The following CDH18 variants were observed in gnomAD, a reference collection of about 807,000 sequenced individuals.
CDH18 encodes cadherin-18.
In CDH18, 31 loss-of-function variants were observed where a neutral mutation model predicts 67.9. That is an observed-to-expected ratio of 0.46 (90% CI 0.34 to 0.62). CDH18 has a LOEUF of 0.62. CDH18 is among the 20% of genes least tolerant of loss of function. The pLI, the probability that CDH18 is intolerant of heterozygous loss-of-function variation, is 0.01. For missense variants in CDH18, 890 were observed against 975.5 expected, an observed-to-expected ratio of 0.91 and a Z score of 1.17; for synonymous variants, 362 against 347.2, an observed-to-expected ratio of 1.04 and a Z score of -0.48.
chr5:20,188,309 G>C (rs752117891), intron 2 of CDH18, among the ~76,000 whole-genome samples: 30 of 151,858 alleles, frequency 2.0e-4, no homozygotes, highest in Non-Finnish European at 3.4e-4. Flanking sequence ...AATCCAATCA[G>C]CCAAATAAAT....
At chr5:19,821,388 T>G (rs1374606824) in intron 3 of CDH18, among the ~76,000 whole-genome samples, 1 of 135,050 alleles carries the variant, frequency 7.4e-6, no homozygotes, top group Non-Finnish European at 1.6e-5. Context: ...TCAACCCAGT[T>G]AACCAAAAAA....
intron 5 of CDH18, among the ~76,000 whole-genome samples, chr5:19,643,936 A>T (rs2150235543): frequency 6.6e-6 from 1 of 152,324 alleles, no homozygotes; most frequent in African/African-American, 2.4e-5. Context: ...CAAATTATCA[A>T]GTTTATACCT....
At chr5:19,534,560 C>T (rs2127007502) in intron 9 of CDH18, among the ~76,000 whole-genome samples, 1 of 152,174 alleles carries the variant, frequency 6.6e-6, no homozygotes, top group South Asian at 2.1e-4. Flanking sequence ...GCTTAATTTA[C>T]CTATACACTT....
At chr5:19,525,512 G>A (rs1747625027) in intron 9 of CDH18, among the ~76,000 whole-genome samples, 1 of 152,238 alleles carries the variant, frequency 6.6e-6, no homozygotes, top group South Asian at 2.1e-4. Flanking sequence ...CCCTGTCAGG[G>A]GCAACCACAG....
intron 5 of CDH18, among the ~76,000 whole-genome samples, chr5:19,615,122 G>C (rs1219666177): frequency 3.4e-5 from 3 of 88,376 alleles, no homozygotes; most frequent in Admixed American, 2.5e-4. Context: ...ACTCCAGCCC[G>C]GTGACAGAGG....
At chr5:20,449,766 C>T (rs180802509) in intron 1 of CDH18, among the ~76,000 whole-genome samples, 196 of 151,858 alleles carry the variant, frequency 1.3e-3, no homozygotes, top group African/African-American at 4.4e-3. Flanking sequence ...TAAAGTACTC[C>T]TGTAAAGTCT....
chr5:19,643,895 G>A (rs577587131), intron 5 of CDH18, among the ~76,000 whole-genome samples: 5 of 152,198 alleles, frequency 3.3e-5, no homozygotes, highest in African/African-American at 1.2e-4. Flanking sequence ...TAGTTTGATC[G>A]TGATAAATAT....
intron 8 of CDH18, among the ~76,000 whole-genome samples, chr5:19,566,530 G>T (rs1740426435): frequency 6.6e-6 from 1 of 152,184 alleles, no homozygotes; most frequent in African/African-American, 2.4e-5. Context: ...CGTCTTGCGT[G>T]GGGGCAGACA....
chr5:19,865,201 C>T (rs1027158104), intron 2 of CDH18, among the ~76,000 whole-genome samples: 3 of 152,038 alleles, frequency 2.0e-5, no homozygotes, highest in Non-Finnish European at 4.4e-5. Flanking sequence ...CTGAATAATA[C>T]TGTAAATAAA....
In CDH18 at chr5:20,564,260, T is replaced by TTTTATTTATTTATTTATTTATTTA. The variant is rs3039398; in HGVS notation, c.-580+11178_-580+11201dup. On this transcript the variant is annotated intron_variant, in intron 1 of 14. Transcript: ENST00000507958. ...ATTATTTCTTGCATTATTATCACAGTTTTATTTATTTATTTATTTATTTAT... is the reference window on the plus strand; with the variant it reads ...ATTATTTCTTGCATTATTATCACAGTTTTATTTATTTATTTATTTATTTATTTATTTATTTATTTATTTATTTAT... Among the ~76,000 whole-genome samples the TTTTATTTATTTATTTATTTATTTA allele has an allele frequency of 2.4e-3, 342 of 141,648 alleles. 1 individual carries two copies. Among genetic ancestry groups the TTTTATTTATTTATTTATTTATTTA allele is most frequent in the East Asian group, 9.3e-3 (44 of 4,744 alleles). The allele number at this position is 141,648 out of a possible 152,430, so 92.9% of individuals were successfully genotyped here.
intron 9 of CDH18, among the ~76,000 whole-genome samples, chr5:19,532,512 T>C (rs1748792065): frequency 6.6e-6 from 1 of 152,228 alleles, no homozygotes. Context: ...TGGGTTTGTA[T>C]CTTGGTTCAT....
chr5:20,463,496 G>A (rs769848183), intron 1 of CDH18, among the ~76,000 whole-genome samples: 7 of 152,116 alleles, frequency 4.6e-5, no homozygotes, highest in Non-Finnish European at 8.8e-5. Flanking sequence ...CATGGCAGAG[G>A]CACCTCTTCA....
chr5:19,679,582 A>C (rs1374395080), intron 5 of CDH18, among the ~76,000 whole-genome samples: 1 of 152,006 alleles, frequency 6.6e-6, no homozygotes, highest in East Asian at 1.9e-4. Context: ...AGGCTCCTAG[A>C]ACTGATATAT....
chr5:19,528,895 T>G (rs1049754078), intron 9 of CDH18, among the ~76,000 whole-genome samples: 1 of 151,878 alleles, frequency 6.6e-6, no homozygotes, highest in African/African-American at 2.4e-5. Flanking sequence ...ATCCATTCTG[T>G]GCGTATATCC....
rs536138976 is a variant in CDH18 at position 20,383,823 on chromosome 5, G to A, written c.-579-128318C>T. Among the ~76,000 whole-genome samples the A allele has an allele frequency of 5.3e-4, 81 of 152,128 alleles. No homozygotes were observed. In the South Asian group the frequency reaches 0.016, roughly 31 times the overall value. Reference sequence around the variant, plus strand: ...AGTAATACGAAAATGTATAACTACTGTACAGAAAAGGGAAATGACTTTGCA... The same window carrying A: ...AGTAATACGAAAATGTATAACTACTATACAGAAAAGGGAAATGACTTTGCA... On this transcript the variant is annotated intron_variant, in intron 1 of 14. Coordinates refer to the CDH18 transcript ENST00000507958.
intron 1 of CDH18, among the ~76,000 whole-genome samples, chr5:20,414,240 G>C (rs1023264995): frequency 6.6e-6 from 1 of 152,134 alleles, no homozygotes; most frequent in Non-Finnish European, 1.5e-5. Context: ...TATGTTTATC[G>C]TAGCACTATT....
intron 3 of CDH18, among the ~76,000 whole-genome samples, chr5:19,775,867 T>C (rs1320150333): frequency 1.3e-5 from 2 of 152,058 alleles, no homozygotes; most frequent in African/African-American, 4.8e-5. Flanking sequence ...GAGAATGAAG[T>C]TGAGAACTCA....
At chr5:19,850,387 T>C (rs543852005) in intron 2 of CDH18, among the ~76,000 whole-genome samples, 2 of 152,002 alleles carry the variant, frequency 1.3e-5, no homozygotes, top group South Asian at 4.1e-4. Context: ...TACAATCAAC[T>C]ACAAATAATG....
chr5:20,232,516 T>C (rs1218534955), intron 2 of CDH18, among the ~76,000 whole-genome samples: 1 of 152,132 alleles, frequency 6.6e-6, no homozygotes, highest in Admixed American at 6.5e-5. Context: ...TTGAAGTTAC[T>C]TATTCTCTGA....
Sources: gnomAD v4.1 joint callset for allele counts (sites outside exome capture counted in the v4.1 genomes callset) on GRCh38, gnomAD v4.1.1 for gene constraint, MANE v1.5 for transcripts, NCBI Gene and HGNC (gene_info 2026-07-23, HGNC 2026-07-21) for gene names.